SEMA3E: variants seen among roughly 807,000 people sequenced by gnomAD.
The protein encoded by SEMA3E is semaphorin 3E, also known as semaphorin-3E.
A neutral mutation model predicts 93.6 loss-of-function variants in SEMA3E; 49 were observed. The ratio of observed to expected loss-of-function variants is 0.52; its 90% CI spans 0.42 to 0.66. The LOEUF (loss-of-function observed/expected upper bound fraction) is 0.66. Among genes scored for constraint, SEMA3E ranks in the 30% least tolerant of loss-of-function variants. SEMA3E has a pLI of 0.00. For synonymous variants in SEMA3E, 363 were observed against 330.7 expected (o/e 1.10, Z -1.06); for missense variants, 906 against 964.8 (o/e 0.94, Z 0.81).
At chr7:83,453,732 C>G (rs2115828943) in intron 4 of SEMA3E, among the ~76,000 whole-genome samples, 1 of 151,514 alleles carries the variant, frequency 6.6e-6, no homozygotes, top group South Asian at 2.1e-4. Context: ...GCCAGTCATT[C>G]TTCACATCAT....
Position 83,405,933 on chromosome 7 carries a change from A to G in SEMA3E, c.928+12T>C. ...ATAAAAGAGCAAATTTAATTCACCTAAAAACATTTACCTAATTCATCAAAA... is the reference window on the plus strand; with the variant it reads ...ATAAAAGAGCAAATTTAATTCACCTGAAAACATTTACCTAATTCATCAAAA... On this transcript the variant is annotated intron_variant, in intron 8 of 16. Transcript: ENST00000643230. 1.9e-6 allele frequency: 3 copies of G among 1,578,718 alleles called. No homozygotes were observed. Among genetic ancestry groups the G allele is most frequent in the Non-Finnish European group, 2.6e-6 (3 of 1,148,160 alleles).
intron 11 of SEMA3E, 63 bp downstream of exon 11, chr7:83,399,965 T>C: frequency 1.6e-6 from 2 of 1,259,464 alleles, no homozygotes; most frequent in Non-Finnish European, 1.2e-6. Flanking sequence ...TTAGAAATAT[T>C]ATTAAAATTA....
At chr7:83,634,700 A>G (rs568359600) in intron 1 of SEMA3E, among the ~76,000 whole-genome samples, 18 of 152,064 alleles carry the variant, frequency 1.2e-4, no homozygotes, top group Non-Finnish European at 2.6e-4. Flanking sequence ...AATGTGTTAC[A>G]GGAGTTTAAA....
Position 83,469,291 on chromosome 7 carries a change from C to T in SEMA3E, c.288G>A (p.Pro96=), listed in dbSNP as rs1324302570. 3.7e-6 allele frequency: 6 copies of T among 1,609,384 alleles called. No individual in the cohort carries two copies. Among genetic ancestry groups the T allele is most frequent in the Non-Finnish European group, 4.2e-6 (5 of 1,176,562 alleles). The change falls in exon 3 of 17, where the codon CCG becomes CCA. Residue 96 remains proline (P), a synonymous_variant. Coordinates refer to ENST00000643230, the MANE Select transcript of SEMA3E (RefSeq NM_012431.3). The part of the protein sequence containing the change: ...ISDGYKEIHW[P]STALKMEECI... ...ATTCTTCCATTTTTAGAGCTGTACTCGGCCAGTGTATCTAAAATAAAAGAT... is the reference window on the plus strand; with the variant it reads ...ATTCTTCCATTTTTAGAGCTGTACTTGGCCAGTGTATCTAAAATAAAAGAT...
chr7:83,494,717 G>T (rs187138093), intron 1 of SEMA3E, among the ~76,000 whole-genome samples: 37 of 151,886 alleles, frequency 2.4e-4, no homozygotes, highest in African/African-American at 8.2e-4. Context: ...GATTCTAAAG[G>T]GCTTATTATT....
chr7:83,403,217 A>G (rs1396062580), intron 9 of SEMA3E, among the ~76,000 whole-genome samples: 1 of 152,022 alleles, frequency 6.6e-6, no homozygotes, highest in Non-Finnish European at 1.5e-5. Flanking sequence ...AAATTCTATT[A>G]AGATGTATTA....
At chr7:83,612,028 GC>G (rs1793276887) in intron 1 of SEMA3E, among the ~76,000 whole-genome samples, 1 of 152,054 alleles carries the variant, frequency 6.6e-6, no homozygotes, top group Non-Finnish European at 1.5e-5. Flanking sequence ...TAATGTCAAT[GC>G]CTTTGCACCA....
At chr7:83,589,015 C>G (rs1159445644) in intron 1 of SEMA3E, among the ~76,000 whole-genome samples, 1 of 152,146 alleles carries the variant, frequency 6.6e-6, no homozygotes, top group Non-Finnish European at 1.5e-5. Flanking sequence ...GCTCACTAAG[C>G]TGAAGCGCAG....
chr7:83,514,180 G>T (rs1222752955), intron 1 of SEMA3E, among the ~76,000 whole-genome samples: 2 of 152,114 alleles, frequency 1.3e-5, no homozygotes, highest in East Asian at 1.9e-4. Context: ...AAAAAGGGGG[G>T]TGGAGGCGCA....
chr7:83,459,965 C>T (rs907132675), intron 4 of SEMA3E, among the ~76,000 whole-genome samples: 2 of 152,134 alleles, frequency 1.3e-5, no homozygotes, highest in African/African-American at 4.8e-5. Flanking sequence ...CTGGAATTTT[C>T]CTTTACCTAC....
intron 4 of SEMA3E, among the ~76,000 whole-genome samples, chr7:83,428,474 A>AAT (rs1788815928): frequency 6.6e-6 from 1 of 152,198 alleles, no homozygotes; most frequent in Non-Finnish European, 1.5e-5. Flanking sequence ...ATTGTTACAC[A>AAT]ATGTCTCAAA....
At chr7:83,615,243 T>A (rs1322535033) in intron 1 of SEMA3E, among the ~76,000 whole-genome samples, 1 of 152,138 alleles carries the variant, frequency 6.6e-6, no homozygotes, top group Non-Finnish European at 1.5e-5. Flanking sequence ...ACCATTGTTA[T>A]CCTTAGTTGG....
intron 11 of SEMA3E, among the ~76,000 whole-genome samples, chr7:83,398,270 T>C (rs1174136980): frequency 6.6e-6 from 1 of 152,208 alleles, no homozygotes; most frequent in Admixed American, 6.5e-5. Flanking sequence ...TGGACTGTTA[T>C]ATGTGGCTTC....
chr7:83,407,604 A>C (rs928403108), intron 6 of SEMA3E, among the ~76,000 whole-genome samples: 6 of 152,156 alleles, frequency 3.9e-5, no homozygotes, highest in Non-Finnish European at 8.8e-5. Context: ...GTAGGTAAAA[A>C]CTAAATGTAA....
chr7:83,405,950 T>A lies in SEMA3E; in HGVS notation c.923A>T (p.Glu308Val). ...ATTCACCTAAAAACATTTACCTAAT[T>A]CATCAAAATATGTGTCAATTCCATT... is the stretch of plus-strand genomic sequence containing the variant. ...GMNGIDTYFD[E>V]LEDVFLLPTR... The change falls in exon 8 of 17, where the codon GAA (glutamate) becomes GTA (valine). Residue 308 changes from glutamate (E) to valine (V), a missense_variant. Transcript: ENST00000643230. The A allele has an allele frequency of 6.2e-7, 1 of 1,607,712 alleles. No homozygotes were observed. Among genetic ancestry groups the A allele is most frequent in the Non-Finnish European group, 8.5e-7 (1 of 1,174,412 alleles).
At chr7:83,504,198 T>C (rs1428676705) in intron 1 of SEMA3E, among the ~76,000 whole-genome samples, 1 of 152,216 alleles carries the variant, frequency 6.6e-6, no homozygotes, top group Non-Finnish European at 1.5e-5. Flanking sequence ...TATCACATTT[T>C]TCTCATAATT....
chr7:83,435,909 T>A (rs947233048), intron 4 of SEMA3E, among the ~76,000 whole-genome samples: 2 of 152,140 alleles, frequency 1.3e-5, no homozygotes, highest in Non-Finnish European at 2.9e-5. Flanking sequence ...ATGTAACATG[T>A]CATTTTCTGT....
At chr7:83,401,116 GA>G in intron 10 of SEMA3E, among the ~76,000 whole-genome samples, 1 of 152,168 alleles carries the variant, frequency 6.6e-6, no homozygotes, top group East Asian at 1.9e-4. Context: ...AATAAACTGG[GA>G]AAACAAGAAA....
intron 1 of SEMA3E, among the ~76,000 whole-genome samples, chr7:83,556,179 A>G (rs1434123458): frequency 3.3e-5 from 5 of 152,104 alleles, no homozygotes; most frequent in African/African-American, 1.2e-4. Flanking sequence ...ATTGTTTTTT[A>G]AAAAGGACAT....
Sources: allele counts gnomAD v4.1 joint callset (sites outside exome capture counted in the v4.1 genomes callset), GRCh38; gene constraint gnomAD v4.1.1; transcripts MANE v1.5; gene names NCBI Gene and HGNC (gene_info 2026-07-23, HGNC 2026-07-21).